KCTD16: variants seen among roughly 807,000 people sequenced by gnomAD.
KCTD16 encodes BTB/POZ domain-containing protein KCTD16.
In KCTD16, 13 loss-of-function variants were observed where a neutral mutation model predicts 33.2. The ratio of observed to expected loss-of-function variants is 0.39; its 90% CI spans 0.25 to 0.62. The LOEUF is 0.62. KCTD16 is among the 20% of genes least tolerant of loss of function. The pLI, the probability that KCTD16 is intolerant of heterozygous loss-of-function variation, is 0.50. For missense variants in KCTD16, 441 were observed against 525.1 expected (o/e 0.84, Z 1.57); for synonymous variants, 197 against 195.3 (o/e 1.01, Z -0.07).
At chr5:144,466,852 A>C (rs1313918984) in intron 3 of KCTD16, among the ~76,000 whole-genome samples, 1 of 150,698 alleles carries the variant, frequency 6.6e-6, no homozygotes, top group Non-Finnish European at 1.5e-5. Context: ...AATTATGTAA[A>C]GTGCTGAGCA....
intron 3 of KCTD16, among the ~76,000 whole-genome samples, chr5:144,212,927 T>C (rs1284491913): frequency 6.6e-6 from 1 of 152,164 alleles, no homozygotes; most frequent in Non-Finnish European, 1.5e-5. Context: ...TCCTACTTAC[T>C]TTCCCTTTTG....
At chr5:144,304,976 T>C (rs1580859016) in intron 3 of KCTD16, among the ~76,000 whole-genome samples, 1 of 120,934 alleles carries the variant, frequency 8.3e-6, no homozygotes, top group African/African-American at 3.4e-5. Context: ...AATATCAAAA[T>C]CTTTTTTTTT....
chr5:144,418,672 A>G (rs1753140904), intron 3 of KCTD16, among the ~76,000 whole-genome samples: 1 of 152,314 alleles, frequency 6.6e-6, no homozygotes, highest in East Asian at 1.9e-4. Context: ...GCTTTTTCCA[A>G]TCCTGGCAGA....
chr5:144,196,592 C>T (rs1399418005), intron 2 of KCTD16, among the ~76,000 whole-genome samples: 5 of 152,154 alleles, frequency 3.3e-5, no homozygotes, highest in East Asian at 1.9e-4. Flanking sequence ...TGTAACTACT[C>T]TCAAGACCTC....
intron 3 of KCTD16, among the ~76,000 whole-genome samples, chr5:144,452,523 G>A (rs1042163487): frequency 1.3e-4 from 19 of 151,924 alleles, no homozygotes; most frequent in African/African-American, 4.1e-4. Context: ...GAGAAATAGG[G>A]ACGAGAAAGA....
intron 3 of KCTD16, among the ~76,000 whole-genome samples, chr5:144,319,225 G>T (rs1456713810): frequency 1.3e-5 from 2 of 151,976 alleles, no homozygotes; most frequent in Admixed American, 6.6e-5. Flanking sequence ...CTCACTTTTA[G>T]TAGTCAGAAT....
In KCTD16 at chr5:144,306,228, G is replaced by A. The variant is rs377427796; in HGVS notation, c.832+98682G>A. Among the ~76,000 whole-genome samples the A allele has an allele frequency of 8.7e-4, 133 of 152,304 alleles. 2 individuals carry two copies. The South Asian group carries it at 0.024, about 28-fold the overall frequency. ...GCTTGAGCAGAGAAGGTAACAGTTC[G>A]ACTTCACTCCTAAATCATTCTGTAT... On this transcript the variant is annotated intron_variant, in intron 3 of 3. Transcript: ENST00000512467.
At chr5:144,225,157 A>G (rs1376297629) in intron 3 of KCTD16, among the ~76,000 whole-genome samples, 1 of 152,208 alleles carries the variant, frequency 6.6e-6, no homozygotes, top group Non-Finnish European at 1.5e-5. Context: ...CCGCCTCACA[A>G]GATAAAATGA....
At chr5:144,431,497 A>G (rs769902616) in intron 3 of KCTD16, among the ~76,000 whole-genome samples, 2 of 152,138 alleles carry the variant, frequency 1.3e-5, no homozygotes, top group Non-Finnish European at 2.9e-5. Flanking sequence ...TTGGCTCTTT[A>G]ACTCAGTTGA....
At chr5:144,435,444 T>C (rs909439403) in intron 3 of KCTD16, among the ~76,000 whole-genome samples, 3 of 152,210 alleles carry the variant, frequency 2.0e-5, no homozygotes, top group African/African-American at 7.2e-5. Context: ...TGTTTTTAAA[T>C]ATAGAACTAC....
chr5:144,413,785 T>G (rs1045735867), intron 3 of KCTD16, among the ~76,000 whole-genome samples: 4 of 152,218 alleles, frequency 2.6e-5, no homozygotes, highest in Admixed American at 1.3e-4. Flanking sequence ...AGGGTATAAC[T>G]TACAAAAATC....
At chr5:144,405,205 G>A (rs953225759) in intron 3 of KCTD16, among the ~76,000 whole-genome samples, 1 of 152,142 alleles carries the variant, frequency 6.6e-6, no homozygotes, top group African/African-American at 2.4e-5. Flanking sequence ...AATTACTTGT[G>A]TAAATTAACA....
intron 3 of KCTD16, among the ~76,000 whole-genome samples, chr5:144,425,146 C>T (rs370916509): frequency 1.1e-4 from 16 of 152,192 alleles, no homozygotes; most frequent in Admixed American, 3.3e-4. Context: ...AATAGTAGAT[C>T]AGGCATAGGA....
At chr5:144,266,016 G>A (rs1032299501) in intron 3 of KCTD16, among the ~76,000 whole-genome samples, 1 of 152,084 alleles carries the variant, frequency 6.6e-6, no homozygotes, top group African/African-American at 2.4e-5. Context: ...GTGGTCAGAG[G>A]ATATTAACAT....
At chr5:144,350,465 A>G (rs556813468) in intron 3 of KCTD16, among the ~76,000 whole-genome samples, 35 of 152,314 alleles carry the variant, frequency 2.3e-4, no homozygotes, top group Non-Finnish European at 4.6e-4. Flanking sequence ...TTTACAGAAA[A>G]GAAGTCTGAA....
chr5:144,454,923 A>G (rs1174065672), intron 3 of KCTD16, among the ~76,000 whole-genome samples: 1 of 152,168 alleles, frequency 6.6e-6, no homozygotes, highest in Non-Finnish European at 1.5e-5. Context: ...GTTGGTATCT[A>G]CATGTGCAGA....
chr5:144,250,216 A>G lies in KCTD16; in HGVS notation c.832+42670A>G, dbSNP rs137870708. On this transcript the variant is annotated intron_variant, in intron 3 of 3. Transcript: ENST00000512467. ...TTCCACAAACCACAGCACTTTCTAC[A>G]GTACTCATTGCAACGTGAGGAATTG... Among the ~76,000 whole-genome samples the G allele has an allele frequency of 1.8e-4, 28 of 152,292 alleles. No individual in the cohort carries two copies. The East Asian group carries it at 4.6e-3, about 25-fold the overall frequency.
At chr5:144,236,466 A>T (rs1754257253) in intron 3 of KCTD16, among the ~76,000 whole-genome samples, 1 of 152,160 alleles carries the variant, frequency 6.6e-6, no homozygotes, top group Non-Finnish European at 1.5e-5. Context: ...GTCTAGAACA[A>T]AGTTTAGTAG....
chr5:144,202,968 C>T (rs1020855212), intron 2 of KCTD16, among the ~76,000 whole-genome samples: 1 of 152,106 alleles, frequency 6.6e-6, no homozygotes, highest in African/African-American at 2.4e-5. Context: ...AACTACATGG[C>T]CCCCGCACCT....
Sources: allele counts gnomAD v4.1 joint callset (sites outside exome capture counted in the v4.1 genomes callset), GRCh38; gene constraint gnomAD v4.1.1; transcripts MANE v1.5; gene names NCBI Gene and HGNC (gene_info 2026-07-23, HGNC 2026-07-21).